The following SULF1 variants were observed in gnomAD, a reference collection of about 807,000 sequenced individuals.
SULF1 encodes the protein sulfatase 1, also known as extracellular sulfatase Sulf-1.
SULF1 carries 46 observed loss-of-function variants against 110.5 expected under a neutral mutation model. The observed-to-expected ratio is 0.42, with a 90% CI of 0.33 to 0.53. The LOEUF (loss-of-function observed/expected upper bound fraction) is 0.53. SULF1 is among the 20% of genes least tolerant of loss of function. The probability of loss-of-function intolerance (pLI) is 0.12; values close to 1 mark genes in which losing one functional copy is unlikely to be tolerated. For missense variants in SULF1, 941 were observed against 1,094.2 expected, an observed-to-expected ratio of 0.86 and a Z score of 1.98; for synonymous variants, 371 against 387.1, an observed-to-expected ratio of 0.96 and a Z score of 0.49.
intron 15 of SULF1, chr8:69,625,952 T>A (rs1586580681): frequency 6.6e-6 from 1 of 152,206 alleles, no homozygotes; most frequent in South Asian, 2.1e-4. Flanking sequence ...CACTTCCCCA[T>A]CAGATTAGTT....
chr8:69,645,862 C>T (rs912627995), intron 22 of SULF1, among the ~76,000 whole-genome samples: 1 of 151,792 alleles, frequency 6.6e-6, no homozygotes, highest in Non-Finnish European at 1.5e-5. Context: ...GATGTTTTGA[C>T]CATGGGGGAG....
At chr8:69,489,348 C>T (rs1350475926), upstream of SULF1, among the ~76,000 whole-genome samples, 2 of 152,056 alleles carry the variant, frequency 1.3e-5, no homozygotes, top group Non-Finnish European at 2.9e-5. Context: ...AGCTAAATGA[C>T]TCATGCAGAA....
At position 69,660,839 on chromosome 8, in the gene SULF1, AC is replaced by A. The variant is rs1490266731; in HGVS notation, c.*2305del. On this transcript the variant is annotated 3_prime_UTR_variant, in exon 23 of 23. Coordinates refer to ENST00000402687, the MANE Select transcript of SULF1 (RefSeq NM_001128205.2). Reference sequence around the variant, plus strand: ...TTAATCATGTATAATATTCCATGATACTTTTATAGAACAATTCTGGCTTCAG... The same window carrying A: ...TTAATCATGTATAATATTCCATGATATTTTATAGAACAATTCTGGCTTCAG... 1 of 152,660 alleles carries A rather than the reference AC, an allele frequency of 6.6e-6. No individual in the cohort carries two copies. Among genetic ancestry groups the A allele is most frequent in the Non-Finnish European group, 1.5e-5 (1 of 68,046 alleles). 9.5% of individuals were successfully genotyped at this position (152,660 alleles called of 1,614,324 possible). A position where few individuals can be genotyped will look rare whatever the true frequency, so the allele number is the denominator to read the frequency against.
At chr8:69,605,920 A>G (rs1459460791) in intron 13 of SULF1, among the ~76,000 whole-genome samples, 2 of 152,182 alleles carry the variant, frequency 1.3e-5, no homozygotes, top group African/African-American at 4.8e-5. Context: ...TGTCTGATTC[A>G]ATAACTCAGG....
intron 22 of SULF1, among the ~76,000 whole-genome samples, chr8:69,647,142 A>G (rs944064082): frequency 6.6e-6 from 1 of 151,626 alleles, no homozygotes; most frequent in Non-Finnish European, 1.5e-5. Flanking sequence ...ATGGGGTTTC[A>G]CCATGTTCGT....
chr8:69,626,626 C>T (rs1179391250), intron 15 of SULF1, among the ~76,000 whole-genome samples: 1 of 152,232 alleles, frequency 6.6e-6, no homozygotes, highest in Admixed American at 6.5e-5. Context: ...GAGGCCTGCC[C>T]TGCGGGAAGG....
At chr8:69,648,404 G>A (rs748904466) in intron 22 of SULF1, among the ~76,000 whole-genome samples, 2 of 152,172 alleles carry the variant, frequency 1.3e-5, no homozygotes, top group Non-Finnish European at 2.9e-5. Flanking sequence ...CTGGCCCGGT[G>A]AAATTCAATT....
chr8:69,599,274 CAG>C (rs1241512513), intron 8 of SULF1, among the ~76,000 whole-genome samples: 4 of 152,216 alleles, frequency 2.6e-5, no homozygotes, highest in Non-Finnish European at 4.4e-5. Flanking sequence ...CCTCCTCAGA[CAG>C]AGATTGGGAA....
At chr8:69,538,890 A>G (rs1003308076) in intron 3 of SULF1, among the ~76,000 whole-genome samples, 2 of 152,014 alleles carry the variant, frequency 1.3e-5, no homozygotes, top group African/African-American at 4.8e-5. Flanking sequence ...ATGGGGTTTC[A>G]CCATGTTGGC....
intron 19 of SULF1, among the ~76,000 whole-genome samples, chr8:69,630,485 G>T (rs546468906): frequency 2.0e-5 from 3 of 152,316 alleles, no homozygotes; most frequent in East Asian, 3.9e-4. Context: ...GGGATCTAGG[G>T]CTTGTCCTAG....
At chr8:69,626,886 C>T (rs922809207) in intron 15 of SULF1, among the ~76,000 whole-genome samples, 1 of 152,250 alleles carries the variant, frequency 6.6e-6, no homozygotes, top group African/African-American at 2.4e-5. Flanking sequence ...AGGGAGCCGG[C>T]ACTGGCCTTG....
At chr8:69,493,432 C>T (rs1485992406) in intron 1 of SULF1, among the ~76,000 whole-genome samples, 1 of 148,670 alleles carries the variant, frequency 6.7e-6, no homozygotes, top group East Asian at 2.0e-4. Context: ...ACACCACACA[C>T]ACACACACAC....
At chr8:69,471,157 C>T (rs1396037534) in intron 1 of SULF1, among the ~76,000 whole-genome samples, 1 of 152,182 alleles carries the variant, frequency 6.6e-6, no homozygotes, top group Non-Finnish European at 1.5e-5. Flanking sequence ...ATGGATTGCA[C>T]TTAAAACAAT....
chr8:69,559,641 T>C (rs528480580), intron 3 of SULF1, among the ~76,000 whole-genome samples: 14 of 152,370 alleles, frequency 9.2e-5, no homozygotes, highest in African/African-American at 2.6e-4. Context: ...AAAAATTCTT[T>C]TAAGTAAAAG....
intron 6 of SULF1, among the ~76,000 whole-genome samples, chr8:69,580,319 T>A (rs1033773674): frequency 6.6e-6 from 1 of 152,144 alleles, no homozygotes; most frequent in African/African-American, 2.4e-5. Context: ...TCCAAAAAAA[T>A]TAACTTAAAT....
intron 6 of SULF1, among the ~76,000 whole-genome samples, chr8:69,586,129 A>G (rs1469528933): frequency 6.6e-6 from 1 of 152,214 alleles, no homozygotes; most frequent in Non-Finnish European, 1.5e-5. Context: ...GGTTTCATTG[A>G]GCTGTAATCC....
intron 5 of SULF1, among the ~76,000 whole-genome samples, chr8:69,565,913 A>G (rs1815845521): frequency 6.6e-6 from 1 of 151,834 alleles, no homozygotes; most frequent in Non-Finnish European, 1.5e-5. Context: ...ATGCCTTTGC[A>G]CATCTCATCC....
At chr8:69,587,072 C>T (rs1460115675) in intron 7 of SULF1, among the ~76,000 whole-genome samples, 2 of 152,170 alleles carry the variant, frequency 1.3e-5, no homozygotes, top group South Asian at 2.1e-4. Context: ...ATTTTCAAAT[C>T]AGTTCAGAGA....
chr8:69,468,041 A>G (rs2150526517), intron 1 of SULF1, among the ~76,000 whole-genome samples: 1 of 152,336 alleles, frequency 6.6e-6, no homozygotes, highest in Non-Finnish European at 1.5e-5. Context: ...TCAAAACATA[A>G]AATTTTTTAT....
Sources: gnomAD v4.1 joint callset for allele counts (sites outside exome capture counted in the v4.1 genomes callset) on GRCh38, gnomAD v4.1.1 for gene constraint, MANE v1.5 for transcripts, NCBI Gene and HGNC (gene_info 2026-07-23, HGNC 2026-07-21) for gene names.